Variants in RELN observed in about 807,000 individuals in gnomAD.
The protein encoded by RELN is reelin.
A neutral mutation model predicts 427.6 loss-of-function variants in RELN; 108 were observed. That is an observed-to-expected ratio of 0.25 (90% confidence interval 0.22 to 0.30). The LOEUF is 0.30. Ranked by LOEUF, RELN falls within the 10% of genes least tolerant of loss-of-function variation. The probability of loss-of-function intolerance (pLI) is 1.00; values close to 1 mark genes in which losing one functional copy is unlikely to be tolerated. For missense variants in RELN, 3,715 were observed against 4,302.8 expected (o/e 0.86, Z 3.82); for synonymous variants, 1,524 against 1,513.4 (o/e 1.01, Z -0.16).
intron 3 of RELN, among the ~76,000 whole-genome samples, chr7:103,792,117 G>A (rs1447767446): frequency 1.3e-5 from 2 of 152,136 alleles, no homozygotes; most frequent in Non-Finnish European, 2.9e-5. Flanking sequence ...TTGCTGGTGG[G>A]AATAAAAATG....
intron 8 of RELN, among the ~76,000 whole-genome samples, chr7:103,711,358 T>C (rs1789792999): frequency 2.6e-5 from 4 of 152,156 alleles, no homozygotes; most frequent in Admixed American, 2.0e-4. Context: ...CAGACCCACC[T>C]CTGTACAGAG....
chr7:103,811,587 T>C (rs1792745357), intron 3 of RELN, among the ~76,000 whole-genome samples: 1 of 152,216 alleles, frequency 6.6e-6, no homozygotes, highest in Non-Finnish European at 1.5e-5. Flanking sequence ...AAATCACTTC[T>C]GCAGAGTGGC....
At chr7:103,789,278 G>T (rs574929320) in intron 3 of RELN, among the ~76,000 whole-genome samples, 4 of 152,190 alleles carry the variant, frequency 2.6e-5, no homozygotes, top group South Asian at 2.1e-4. Flanking sequence ...ACACAGGCAT[G>T]GGCAAAGACT....
intron 16 of RELN, among the ~76,000 whole-genome samples, chr7:103,650,041 G>A (rs1206151143): frequency 2.0e-5 from 3 of 148,832 alleles, no homozygotes; most frequent in Admixed American, 6.7e-5. Flanking sequence ...TTTTATTTAT[G>A]TATGTGAAAC....
At chr7:103,638,350 A>G (rs1832627292) in intron 17 of RELN, among the ~76,000 whole-genome samples, 1 of 152,190 alleles carries the variant, frequency 6.6e-6, no homozygotes, top group African/African-American at 2.4e-5. Context: ...TCAGGTTAGT[A>G]GTGTGTCCAT....
At chr7:103,911,222 A>T (rs550786665) in intron 2 of RELN, among the ~76,000 whole-genome samples, 2 of 143,694 alleles carry the variant, frequency 1.4e-5, no homozygotes, top group South Asian at 4.6e-4. Context: ...TCAAAAGAAG[A>T]CATTTATGCA....
chr7:103,483,029 A>G (rs1828298205), intron 62 of RELN, 58 bp from the exon 63 acceptor site: 4 of 1,363,534 alleles, frequency 2.9e-6, no homozygotes, highest in African/African-American at 1.4e-5. Context: ...ACTTTTTGGT[A>G]TTTGACTTCT....
chr7:103,478,077 C>T (rs1027101229), intron 64 of RELN, among the ~76,000 whole-genome samples: 9 of 152,152 alleles, frequency 5.9e-5, no homozygotes, highest in East Asian at 1.9e-4. Flanking sequence ...GCACCCAATA[C>T]GGTGTCAAGC....
intron 46 of RELN, among the ~76,000 whole-genome samples, chr7:103,528,388 G>A (rs13224165): frequency 0.051 from 7,833 of 152,176 alleles, 269 homozygotes; most frequent in South Asian, 0.15. Flanking sequence ...CTGGGGTGAG[G>A]GGTGGGGAGT....
rs138161895 is a variant in RELN at position 103,703,039 on chromosome 7, A to G, written c.806-2033T>C. ...ATCATAAAAAGATGACCAAAAAGGC[A>G]AGGGGATTCCAACAGAGGGGTGGAC... On this transcript the variant is annotated intron_variant, in intron 8 of 64. Transcript: ENST00000428762. 1.1e-4 allele frequency among the ~76,000 whole-genome samples: 17 copies of G among 152,310 alleles called. No homozygotes were observed. The East Asian group carries it at 3.1e-3, about 28-fold the overall frequency.
Position 103,539,153 on chromosome 7 carries a change from C to A in RELN, c.7105G>T (p.Asp2369Tyr). The A allele has an allele frequency of 6.2e-7, 1 of 1,614,230 alleles. No homozygotes were observed. Among genetic ancestry groups the A allele is most frequent in the Non-Finnish European group, 8.5e-7 (1 of 1,180,030 alleles). ...AAGGAATCCTCATTCACGGCAACGT[C>A]TGTGCTGACCACGTAACGGGTGCTG... ...KASTRYVVST[D>Y]VAVNEDSFLQ... is the part of the protein sequence containing the mutation. The change falls in exon 45 of 65, where the codon GAC becomes TAC. Residue 2369 changes from aspartate to tyrosine, a missense_variant. Physicochemically the swap from Asp to Tyr is radical, Grantham distance 160 (BLOSUM62 -3). Coordinates refer to ENST00000428762, the MANE Select transcript of RELN (RefSeq NM_005045.4).
At chr7:103,773,146 TTCTTTCTTTC>T (rs1196591545) in intron 4 of RELN, among the ~76,000 whole-genome samples, 4 of 139,608 alleles carry the variant, frequency 2.9e-5, no homozygotes, top group African/African-American at 1.1e-4. Context: ...CTTTCTTTCT[TTCTTTCTTTC>T]TTTCTTTCTT....
At chr7:103,920,510 T>C (rs919916381) in intron 1 of RELN, among the ~76,000 whole-genome samples, 2 of 151,946 alleles carry the variant, frequency 1.3e-5, no homozygotes, top group African/African-American at 4.8e-5. Context: ...TTATGTACTA[T>C]GAACAATTGC....
chr7:103,751,048 ATAAT>A (rs1212565403), intron 5 of RELN, among the ~76,000 whole-genome samples: 2 of 152,190 alleles, frequency 1.3e-5, no homozygotes, highest in Non-Finnish European at 2.9e-5. Context: ...GTGAGAAATG[ATAAT>A]TATTTCTATT....
intron 46 of RELN, among the ~76,000 whole-genome samples, chr7:103,525,047 C>T (rs538067416): frequency 1.3e-5 from 2 of 152,194 alleles, no homozygotes; most frequent in Admixed American, 6.5e-5. Context: ...TCCCCTCAGG[C>T]GCCAAAGCAC....
intron 11 of RELN, among the ~76,000 whole-genome samples, chr7:103,675,141 C>T (rs145022581): frequency 0.022 from 3,313 of 152,224 alleles, 125 homozygotes; most frequent in African/African-American, 0.073. Flanking sequence ...GAAAACCCCA[C>T]TGTCTCAGCC....
chr7:103,623,652 A>G (rs1166444472), intron 20 of RELN, among the ~76,000 whole-genome samples: 1 of 152,224 alleles, frequency 6.6e-6, no homozygotes, highest in Non-Finnish European at 1.5e-5. Context: ...TGCATGTAGT[A>G]AAGATTCTGA....
At chr7:103,731,001 T>C (rs899216206) in intron 6 of RELN, among the ~76,000 whole-genome samples, 2 of 152,124 alleles carry the variant, frequency 1.3e-5, no homozygotes, top group Non-Finnish European at 2.9e-5. Context: ...ACTTGTCTTT[T>C]CTTCTAGGAG....
intron 1 of RELN, among the ~76,000 whole-genome samples, chr7:103,938,169 A>T (rs1302983206): frequency 2.0e-5 from 3 of 151,976 alleles, no homozygotes; most frequent in African/African-American, 7.3e-5. Context: ...AAAAATACAA[A>T]AATTAGCCAG....
Sources: gnomAD v4.1 joint callset for allele counts (sites outside exome capture counted in the v4.1 genomes callset) on GRCh38, gnomAD v4.1.1 for gene constraint, MANE v1.5 for transcripts, NCBI Gene and HGNC (gene_info 2026-07-23, HGNC 2026-07-21) for gene names.